Variants in SNX14 observed in about 807,000 individuals in gnomAD.
SNX14 encodes sorting nexin 14, also known as sorting nexin-14.
Under a neutral mutation model 133.8 loss-of-function variants are expected in SNX14, and 93 were observed. The observed-to-expected ratio is 0.70, with a 90% CI of 0.59 to 0.83. The LOEUF (loss-of-function observed/expected upper bound fraction) is 0.83, where lower values mean the gene tolerates loss of function less well. Among genes scored for constraint, SNX14 ranks in the 40% least tolerant of loss-of-function variants. SNX14 has a pLI of 0.00. For missense variants in SNX14, 945 were observed against 1,094.9 expected (o/e 0.86, Z 1.93); for synonymous variants, 368 against 365.6 (o/e 1.01, Z -0.07).
At chr6:85,569,105 G>A (rs1351859069) in intron 4 of SNX14, among the ~76,000 whole-genome samples, 3 of 152,106 alleles carry the variant, frequency 2.0e-5, no homozygotes, top group African/African-American at 7.2e-5. Flanking sequence ...TGGGATTATA[G>A]GCATGTGCCA....
intron 6 of SNX14, among the ~76,000 whole-genome samples, chr6:85,561,503 A>G (rs1276041836): frequency 1.3e-5 from 2 of 152,214 alleles, no homozygotes; most frequent in Non-Finnish European, 2.9e-5. Flanking sequence ...TCATCAACCA[A>G]TTGATATTTC....
chr6:85,552,328 T>C (rs1441465769), intron 7 of SNX14, among the ~76,000 whole-genome samples: 6 of 152,176 alleles, frequency 3.9e-5, no homozygotes, highest in Admixed American at 3.9e-4. Context: ...CCTAATTCAA[T>C]AGCATTTATT....
At position 85,533,566 on chromosome 6, in the gene SNX14, T is replaced by C; in HGVS notation, c.1810+33A>G. 3.1e-6 allele frequency: 5 copies of C among 1,588,434 alleles called. No individual in the cohort carries two copies. In the South Asian group the frequency reaches 4.5e-5, roughly 14 times the overall value. ...ATAACAACAGACTCATTCATGGGCA[T>C]CTTTTAAGAAAGGTGCTCAGAAAGC... is the stretch of plus-strand genomic sequence containing the variant. On this transcript the variant is annotated intron_variant, in intron 18 of 28. Transcript: ENST00000314673.
chr6:85,571,948 C>G (rs1009496102), intron 4 of SNX14, among the ~76,000 whole-genome samples, 189 bp downstream of exon 4: 5 of 152,156 alleles, frequency 3.3e-5, no homozygotes, highest in African/African-American at 1.2e-4. Context: ...CTAAATTAAA[C>G]ATGAGATTCA....
chr6:85,548,939 C>G lies in SNX14; in HGVS notation c.792-563G>C, dbSNP rs558177058. The stretch of plus-strand genomic sequence containing the variant: ...CCGAGATCACACCACTGAACTCTAG[C>G]CTGGGCAACAGAGCAAGACTCTGTC... On this transcript the variant is annotated intron_variant, in intron 8 of 28. Transcript: ENST00000314673. Among the ~76,000 whole-genome samples, 4 of 149,324 alleles carry G rather than the reference C, an allele frequency of 2.7e-5. No homozygotes were observed. The South Asian group carries it at 6.3e-4, about 24-fold the overall frequency.
chr6:85,555,267 C>A (rs1789296287), intron 7 of SNX14, among the ~76,000 whole-genome samples: 1 of 152,092 alleles, frequency 6.6e-6, no homozygotes, highest in Non-Finnish European at 1.5e-5. Flanking sequence ...AAAATACTTC[C>A]CCCGCACAAA....
At chr6:85,537,832 C>T (rs765787997) in intron 16 of SNX14, among the ~76,000 whole-genome samples, 3 of 152,096 alleles carry the variant, frequency 2.0e-5, no homozygotes, top group Non-Finnish European at 4.4e-5. Flanking sequence ...ACCTGTAATC[C>T]CAGCTACTAG....
At chr6:85,524,596 A>G (rs1437270055) in intron 21 of SNX14, among the ~76,000 whole-genome samples, 1 of 152,104 alleles carries the variant, frequency 6.6e-6, no homozygotes, top group African/African-American at 2.4e-5. Context: ...AGCCTGGCCA[A>G]CGTGGTGAAA....
chr6:85,527,784 T>C (rs539767662), intron 20 of SNX14, among the ~76,000 whole-genome samples: 4 of 151,860 alleles, frequency 2.6e-5, no homozygotes, highest in African/African-American at 2.4e-5. Context: ...AATAGTAGAG[T>C]TGATCCCAGG....
In SNX14 at chr6:85,593,774, C is replaced by G; in HGVS notation, c.-56G>C. On this transcript the variant is annotated 5_prime_UTR_variant, in exon 1 of 29. Coordinates refer to ENST00000314673, the MANE Select transcript of SNX14 (RefSeq NM_153816.6). Reference sequence around the variant, plus strand: ...CTGGCTGAGGCAGAGGTCAAGGCGACCCCCCATCCACACCTCGCGTCCCCG... The same window carrying G: ...CTGGCTGAGGCAGAGGTCAAGGCGAGCCCCCATCCACACCTCGCGTCCCCG... 1 of 1,592,822 alleles carries G rather than the reference C, an allele frequency of 6.3e-7. No homozygotes were observed. Among genetic ancestry groups the G allele is most frequent in the Non-Finnish European group, 8.5e-7 (1 of 1,172,848 alleles).
At chr6:85,557,469 C>T (rs530405797) in intron 7 of SNX14, among the ~76,000 whole-genome samples, 1 of 152,282 alleles carries the variant, frequency 6.6e-6, no homozygotes, top group South Asian at 2.1e-4. Flanking sequence ...TGAGAAGCAG[C>T]AAGCAGGTCA....
intron 26 of SNX14, among the ~76,000 whole-genome samples, chr6:85,510,620 T>G (rs1364588266): frequency 6.6e-6 from 1 of 152,226 alleles, no homozygotes; most frequent in Non-Finnish European, 1.5e-5. Context: ...TTAATTTTAA[T>G]GAAGTAAAGA....
intron 19 of SNX14, among the ~76,000 whole-genome samples, chr6:85,529,287 A>T (rs1779493637): frequency 6.6e-6 from 1 of 151,742 alleles, no homozygotes; most frequent in South Asian, 2.1e-4. Context: ...GAAGGAAGGA[A>T]ATAAGGAAAT....
In SNX14 at chr6:85,526,861, G is replaced by A. The variant is rs556856294; in HGVS notation, c.1996-624C>T. Among the ~76,000 whole-genome samples the A allele has an allele frequency of 5.3e-5, 8 of 152,264 alleles. No individual in the cohort carries two copies. The South Asian group carries it at 1.5e-3, about 28-fold the overall frequency. On this transcript the variant is annotated intron_variant, in intron 20 of 28. Coordinates refer to ENST00000314673, the MANE Select transcript of SNX14 (RefSeq NM_153816.6). ...GATACAGTGGATCACCTGAGGTCAG[G>A]AGTTCGAGACCAGCCTAGCCAACAT...
At chr6:85,582,731 G>A (rs149003502) in intron 1 of SNX14, among the ~76,000 whole-genome samples, 1 of 152,212 alleles carries the variant, frequency 6.6e-6, no homozygotes, top group Non-Finnish European at 1.5e-5. Context: ...GGAAGAAGTT[G>A]AATCCCTGAA....
chr6:85,548,284 A>C lies in SNX14; in HGVS notation c.867+17T>G. On this transcript the variant is annotated intron_variant, in intron 9 of 28. Coordinates refer to ENST00000314673, the MANE Select transcript of SNX14 (RefSeq NM_153816.6). ...AGTGTAATTTGTAACAATTTAAAAA[A>C]AAATCTTAAGTCTTACTGGATCAGC... is the stretch of plus-strand genomic sequence containing the variant. 1 of 1,576,860 alleles carries C rather than the reference A, an allele frequency of 6.3e-7. No homozygotes were observed. Among genetic ancestry groups the C allele is most frequent in the Non-Finnish European group, 8.6e-7 (1 of 1,160,226 alleles).
rs776706731 is a variant in SNX14, at chr6:85,547,529, T to C, written c.889A>G (p.Ile297Val). Residue 297 changes from isoleucine (I) to valine (V), a missense_variant, in exon 10 of 29, where the codon ATC (isoleucine) becomes GTC (valine). Transcript: ENST00000314673. Reference sequence around the variant, plus strand: ...ACTGGACTGTCATCTATGAAGATGATAAGCAAATGATTCACAGTATCCTAG... The same window carrying C: ...ACTGGACTGTCATCTATGAAGATGACAAGCAAATGATTCACAGTATCCTAG... The part of the protein sequence containing the change: ...ADPDTVNHLL[I>V]IFIDDSPPEK... 39 of 1,603,638 alleles carry C rather than the reference T, an allele frequency of 2.4e-5. No individual in the cohort carries two copies. In the East Asian group the frequency reaches 8.3e-4, roughly 34 times the overall value.
chr6:85,517,750 C>G lies in SNX14; in HGVS notation c.2268+6G>C. 1 of 1,590,308 alleles carries G rather than the reference C, an allele frequency of 6.3e-7. No homozygotes were observed. Reference sequence around the variant, plus strand: ...CTTAATAGTTCTTTAATGCAATGTGCAGTACCTTCTTGTTGTTTTCTGAAG... The same window carrying G: ...CTTAATAGTTCTTTAATGCAATGTGGAGTACCTTCTTGTTGTTTTCTGAAG... On this transcript the variant is annotated splice_donor_region_variant and intron_variant, in intron 23 of 28. Transcript: ENST00000314673.
intron 8 of SNX14, among the ~76,000 whole-genome samples, chr6:85,548,795 C>T (rs563891119): frequency 5.3e-5 from 8 of 151,540 alleles, no homozygotes; most frequent in Non-Finnish European, 1.2e-4. Flanking sequence ...GATGAAACCC[C>T]GTCTCTACTA....
Sources: gnomAD v4.1 joint callset for allele counts (sites outside exome capture counted in the v4.1 genomes callset) on GRCh38, gnomAD v4.1.1 for gene constraint, MANE v1.5 for transcripts, NCBI Gene and HGNC (gene_info 2026-07-23, HGNC 2026-07-21) for gene names.